RBL2: variants seen among roughly 807,000 people sequenced by gnomAD.
RBL2 encodes the protein RB transcriptional corepressor like 2, also known as retinoblastoma-like protein 2.
RBL2 carries 56 observed loss-of-function variants against 126.0 expected under a neutral mutation model. The ratio of observed to expected loss-of-function variants is 0.44; its 90% CI spans 0.36 to 0.56. RBL2 has a LOEUF of 0.56. RBL2 is among the 20% of genes least tolerant of loss of function. The pLI is 0.00. For missense variants in RBL2, 1,229 were observed against 1,398.2 expected (o/e 0.88, Z 1.93); for synonymous variants, 454 against 478.5 (o/e 0.95, Z 0.67).
intron 1 of RBL2, chr16:53,435,546 T>A (rs892248043): frequency 8.3e-7 from 1 of 1,199,958 alleles, no homozygotes; most frequent in African/African-American, 1.6e-5. Context: ...ATGGCCATTC[T>A]AGCCAGTGAG....
At position 53,470,868 on chromosome 16, in the gene RBL2, G is replaced by A. The variant is rs1408076071; in HGVS notation, c.2649G>A (p.Met883Ile). 1.9e-6 allele frequency: 3 copies of A among 1,614,182 alleles called. No individual in the cohort carries two copies. The South Asian group carries it at 3.3e-5, about 18-fold the overall frequency. The change falls in exon 17 of 22, where the codon ATG becomes ATA. Residue 883 changes from methionine to isoleucine, a missense_variant. This residue lies in a region of RBL2 where 1,070 missense variants were observed against 1,274.3 expected (regional missense o/e 0.84). Transcript: ENST00000262133. ...EFSIIQCPEL[M>I]MDRHLDQLLM... ...CCATAATTCAGTGTCCTGAACTTATGATGGACAGACATCTGGACCAGTTAT... is the reference window on the plus strand; with the variant it reads ...CCATAATTCAGTGTCCTGAACTTATAATGGACAGACATCTGGACCAGTTAT...
At position 53,470,441 on chromosome 16, in the gene RBL2, G is replaced by C; in HGVS notation, c.2304G>C (p.Gly768=). 1 of 1,614,118 alleles carries C rather than the reference G, an allele frequency of 6.2e-7. No individual in the cohort carries two copies. Among genetic ancestry groups the C allele is most frequent in the Non-Finnish European group, 8.5e-7 (1 of 1,180,008 alleles). Residue 768 remains glycine (G), a synonymous_variant, in exon 16 of 22, where the codon GGG becomes GGC. Transcript: ENST00000262133. ...TCCCTGTCCAAGTCAATGTTGGGGG[G>C]CAGGCACAAGCTGTGACAGGCTCCA... ...TFFPVQVNVG[G]QAQAVTGSIQ...
chr16:53,480,838 A>G, intron 20 of RBL2, 69 bp downstream of exon 20: 1 of 1,454,452 alleles, frequency 6.9e-7, no homozygotes, highest in East Asian at 2.3e-5. Context: ...TATGATTTAT[A>G]TATGGACCAT....
chr16:53,469,733 C>G (rs1040734727), intron 14 of RBL2, among the ~76,000 whole-genome samples, 183 bp from the exon 15 acceptor site: 1 of 152,174 alleles, frequency 6.6e-6, no homozygotes, highest in African/African-American at 2.4e-5. Flanking sequence ...GTAGTGTTCA[C>G]TGAACACGAA....
chr16:53,474,282 C>T (rs867615419), intron 17 of RBL2, among the ~76,000 whole-genome samples: 8 of 150,240 alleles, frequency 5.3e-5, no homozygotes, highest in Middle Eastern at 3.4e-3. Context: ...TGAGCCACTG[C>T]ACCCGGCTGC....
intron 4 of RBL2, among the ~76,000 whole-genome samples, chr16:53,451,176 A>T (rs990101127): frequency 6.6e-6 from 1 of 152,210 alleles, no homozygotes; most frequent in Admixed American, 6.5e-5. Flanking sequence ...CATTTTTAGT[A>T]AAGTTATAGT....
At chr16:53,442,052 C>T (rs1460989077) in intron 2 of RBL2, among the ~76,000 whole-genome samples, 1 of 152,010 alleles carries the variant, frequency 6.6e-6, no homozygotes, top group Non-Finnish European at 1.5e-5. Flanking sequence ...AAACTCCTGA[C>T]CTTGTGAATC....
rs116145399 is a variant in RBL2 at position 53,444,947 on chromosome 16, C to T, written c.572+2089C>T. ...GTGATCATTTATGGGAAGATATCTTCTTTCTTTGGAGTATCTGGAAAATAA... is the reference window on the plus strand; with the variant it reads ...GTGATCATTTATGGGAAGATATCTTTTTTCTTTGGAGTATCTGGAAAATAA... On this transcript the variant is annotated intron_variant, in intron 3 of 21. Coordinates refer to ENST00000262133, the MANE Select transcript of RBL2 (RefSeq NM_005611.4). 5.4e-3 allele frequency among the ~76,000 whole-genome samples: 829 copies of T among 152,280 alleles called. 7 individuals are homozygous for T. The highest frequency in any genetic ancestry group is 0.019 in the African/African-American group (806 of 41,548).
chr16:53,461,188 C>G (rs1318867939), intron 9 of RBL2, among the ~76,000 whole-genome samples: 1 of 152,054 alleles, frequency 6.6e-6, no homozygotes. Context: ...TGCTAAACTT[C>G]CTGCACTGAA....
At chr16:53,482,359 A>C (rs1409987253) in intron 21 of RBL2, among the ~76,000 whole-genome samples, 1 of 152,204 alleles carries the variant, frequency 6.6e-6, no homozygotes, top group African/African-American at 2.4e-5. Context: ...GGAGCTGTTG[A>C]GGTATGGAAG....
chr16:53,486,802 C>T (rs1167627296), intron 21 of RBL2, among the ~76,000 whole-genome samples: 1 of 152,136 alleles, frequency 6.6e-6, no homozygotes, highest in Non-Finnish European at 1.5e-5. Flanking sequence ...GCCATACAGC[C>T]TGGATTGTCT....
At chr16:53,469,564 A>G (rs981472363) in intron 14 of RBL2, among the ~76,000 whole-genome samples, 5 of 152,144 alleles carry the variant, frequency 3.3e-5, no homozygotes, top group Middle Eastern at 3.2e-3. Flanking sequence ...AATATTATAG[A>G]AAAATATAAT....
intron 21 of RBL2, among the ~76,000 whole-genome samples, chr16:53,485,874 C>CA (rs903590157): frequency 1.3e-5 from 2 of 150,998 alleles, no homozygotes; most frequent in African/African-American, 4.9e-5. Flanking sequence ...AAAACAAAAA[C>CA]AAAAAACCAC....
intron 8 of RBL2, among the ~76,000 whole-genome samples, chr16:53,457,805 T>G (rs2058183743): frequency 6.6e-6 from 1 of 152,222 alleles, no homozygotes; most frequent in Non-Finnish European, 1.5e-5. Flanking sequence ...AGCACCATGT[T>G]GACCTTGAGG....
intron 1 of RBL2, 136 bp downstream of exon 1, chr16:53,434,932 C>G: frequency 7.7e-7 from 1 of 1,306,216 alleles, no homozygotes; most frequent in Non-Finnish European, 9.9e-7. Flanking sequence ...ACTTCCTCTG[C>G]GCTATTCCGA....
Position 53,434,742 on chromosome 16 carries a change from G to C in RBL2, c.186G>C (p.Ala62=). The change falls in exon 1 of 22, where the codon GCG becomes GCC. Residue 62 remains alanine, a synonymous_variant. Transcript: ENST00000262133. ...GCCGCCTCAACATGGACGAGGCGGCGCGGGCCGAGGCCTGGGACAGCTACC... is the reference window on the plus strand; with the variant it reads ...GCCGCCTCAACATGGACGAGGCGGCCCGGGCCGAGGCCTGGGACAGCTACC... ...LCSRLNMDEA[A]RAEAWDSYRS... 1 of 1,544,690 alleles carries C rather than the reference G, an allele frequency of 6.5e-7. No homozygotes were observed. The highest frequency in any genetic ancestry group is 8.7e-7 in the Non-Finnish European group (1 of 1,153,264).
chr16:53,475,485 G>T (rs544589430), intron 17 of RBL2, among the ~76,000 whole-genome samples: 1 of 152,128 alleles, frequency 6.6e-6, no homozygotes, highest in African/African-American at 2.4e-5. Context: ...CAAAGTGCTG[G>T]GATTGCAGGC....
At chr16:53,465,668 TG>T in intron 13 of RBL2, 66 bp downstream of exon 13, 1 of 1,295,656 alleles carries the variant, frequency 7.7e-7, no homozygotes, top group Non-Finnish European at 1.0e-6. Flanking sequence ...ATAATCCTTT[TG>T]GGGATGGGAG....
chr16:53,461,767 C>T lies in RBL2; in HGVS notation c.1373C>T (p.Ala458Val), dbSNP rs773048850. The stretch of plus-strand genomic sequence containing the variant: ...ACATGTTCCAGAGATCCAACCCAGG[C>T]TATTGCTAACAGACTGAAAGAAATG... ...LRTCSRDPTQ[A>V]IANRLKEMFE... The change falls in exon 10 of 22, where the codon GCT becomes GTT. Residue 458 changes from alanine to valine, a missense_variant. Coordinates refer to ENST00000262133, the MANE Select transcript of RBL2 (RefSeq NM_005611.4). The T allele has an allele frequency of 5.6e-6, 9 of 1,605,632 alleles. No individual in the cohort carries two copies. The East Asian group carries it at 2.0e-4, about 36-fold the overall frequency.
Sources: allele counts gnomAD v4.1 joint callset (sites outside exome capture counted in the v4.1 genomes callset), GRCh38; gene constraint gnomAD v4.1.1; regional missense constraint gnomAD v4.1.1; transcripts MANE v1.5; gene names NCBI Gene and HGNC (gene_info 2026-07-23, HGNC 2026-07-21).